DACH1: variants seen among roughly 807,000 people sequenced by gnomAD.
The protein encoded by DACH1 is dachshund family transcription factor 1, also known as dachshund homolog 1.
DACH1 carries 12 observed loss-of-function variants against 54.2 expected under a neutral mutation model. The ratio of observed to expected loss-of-function variants is 0.22; its 90% CI spans 0.14 to 0.36. The LOEUF is 0.36. DACH1 is among the 10% of genes least tolerant of loss of function. The pLI, the probability that DACH1 is intolerant of heterozygous loss-of-function variation, is 1.00. For synonymous variants in DACH1, 386 were observed against 366.2 expected (o/e 1.05, Z -0.62); for missense variants, 805 against 929.8 (o/e 0.87, Z 1.75).
chr13:71,810,330 C>T (rs923412466), intron 1 of DACH1, among the ~76,000 whole-genome samples: 6 of 152,238 alleles, frequency 3.9e-5, no homozygotes, highest in Middle Eastern at 6.8e-3. Flanking sequence ...TACTATCACA[C>T]TACACTTTAC....
chr13:71,752,199 G>A (rs143566388), intron 1 of DACH1, among the ~76,000 whole-genome samples: 5 of 152,106 alleles, frequency 3.3e-5, no homozygotes, highest in African/African-American at 1.2e-4. Flanking sequence ...TGCTCTGAAA[G>A]CTCCTTCTGA....
At chr13:71,634,379 T>C (rs893241143) in intron 2 of DACH1, among the ~76,000 whole-genome samples, 1 of 152,176 alleles carries the variant, frequency 6.6e-6, no homozygotes, top group Non-Finnish European at 1.5e-5. Flanking sequence ...CCTATCTGTA[T>C]GTATTCCTGC....
intron 6 of DACH1, among the ~76,000 whole-genome samples, chr13:71,536,545 A>G (rs1222082209): frequency 6.6e-6 from 1 of 152,164 alleles, no homozygotes; most frequent in East Asian, 1.9e-4. Context: ...CCTTGATTGC[A>G]TCTGTTGCCC....
At chr13:71,497,888 AC>A (rs1222121309) in intron 6 of DACH1, among the ~76,000 whole-genome samples, 2 of 151,102 alleles carry the variant, frequency 1.3e-5, no homozygotes, top group Non-Finnish European at 3.0e-5. Context: ...ACACACACAC[AC>A]ACACACACAC....
At chr13:71,660,301 G>GA (rs1217171390) in intron 2 of DACH1, among the ~76,000 whole-genome samples, 1 of 152,044 alleles carries the variant, frequency 6.6e-6, no homozygotes, top group Non-Finnish European at 1.5e-5. Flanking sequence ...CCAGTCACCT[G>GA]CTTAATGTTA....
Position 71,798,319 on chromosome 13 carries a change from C to CATAT in DACH1, c.848+67602_848+67603insATAT, listed in dbSNP as rs1333963804. Among the ~76,000 whole-genome samples, 3 of 85,468 alleles carry CATAT rather than the reference C, an allele frequency of 3.5e-5. No individual in the cohort carries two copies. The Admixed American group carries it at 3.9e-4, about 11-fold the overall frequency. The allele number at this position is 85,468 out of a possible 152,430, so 56.1% of individuals were successfully genotyped here. On this transcript the variant is annotated intron_variant, in intron 1 of 10. Coordinates refer to ENST00000613252, the MANE Select transcript of DACH1 (RefSeq NM_080759.6). Reference sequence around the variant, plus strand: ...AGATGATTTTAAAGAGAACTTGTTACATACATATATATATATATATATATA... The same window carrying CATAT: ...AGATGATTTTAAAGAGAACTTGTTACATATATACATATATATATATATATATATA...
rs191808555 is a variant in DACH1 at position 71,594,735 on chromosome 13, C to T, written c.1127-21723G>A. Among the ~76,000 whole-genome samples the T allele has an allele frequency of 1.9e-3, 296 of 152,114 alleles. 1 individual carries two copies. The highest frequency in any genetic ancestry group is 3.2e-3 in the Non-Finnish European group (218 of 67,970). On this transcript the variant is annotated intron_variant, in intron 3 of 10. Coordinates refer to ENST00000613252, the MANE Select transcript of DACH1 (RefSeq NM_080759.6). ...ATGTTTTTGTTAAATATCAACAAAC[C>T]GGCCCCTAGTTCTCTTGGTTGAATC... is the stretch of plus-strand genomic sequence containing the variant.
chr13:71,821,423 T>TTTTAAA lies in DACH1; in HGVS notation c.848+44493_848+44498dup, dbSNP rs111890612. On this transcript the variant is annotated intron_variant, in intron 1 of 10. Coordinates refer to ENST00000613252, the MANE Select transcript of DACH1 (RefSeq NM_080759.6). The stretch of plus-strand genomic sequence containing the variant: ...CCTTCTCAGCTTGATTATTCTAAGA[T>TTTTAAA]TTTAAATTTAAATTTAAATTTAAAT... 8.5e-5 allele frequency among the ~76,000 whole-genome samples: 4 copies of TTTTAAA among 46,938 alleles called. No individual in the cohort carries two copies. The East Asian group carries it at 1.0e-3, about 12-fold the overall frequency. The allele number at this position is 46,938 out of a possible 152,430, so 30.8% of individuals were successfully genotyped here.
intron 7 of DACH1, among the ~76,000 whole-genome samples, chr13:71,482,148 A>G (rs1422886788): frequency 6.6e-6 from 1 of 152,206 alleles, no homozygotes; most frequent in Non-Finnish European, 1.5e-5. Flanking sequence ...TGAGTGAGAC[A>G]TAATGGTTGT....
intron 6 of DACH1, among the ~76,000 whole-genome samples, chr13:71,533,377 G>A (rs754443943): frequency 1.3e-5 from 2 of 151,888 alleles, no homozygotes; most frequent in Non-Finnish European, 2.9e-5. Context: ...GAAAGGAAAC[G>A]TGACAGTGAA....
At chr13:71,739,285 A>G (rs2137942253) in intron 1 of DACH1, among the ~76,000 whole-genome samples, 1 of 152,120 alleles carries the variant, frequency 6.6e-6, no homozygotes, top group East Asian at 1.9e-4. Flanking sequence ...AAATTGGCCA[A>G]TGAAAAGAAG....
chr13:71,649,583 A>C (rs1878532910), intron 2 of DACH1, among the ~76,000 whole-genome samples: 1 of 152,204 alleles, frequency 6.6e-6, no homozygotes, highest in African/African-American at 2.4e-5. Flanking sequence ...CTTTGACATC[A>C]AAAGACACTA....
At chr13:71,486,812 TTATCTATC>T (rs4053561) in intron 7 of DACH1, among the ~76,000 whole-genome samples, 7,581 of 41,562 alleles carry the variant, frequency 0.18, 257 homozygotes, top group South Asian at 0.32. Flanking sequence ...ATTTATTTAT[TTATCTATC>T]TATCTATCTA....
chr13:71,494,721 TAATA>T (rs1233859285), intron 6 of DACH1, among the ~76,000 whole-genome samples: 5 of 152,006 alleles, frequency 3.3e-5, no homozygotes, highest in Admixed American at 2.0e-4. Context: ...ATTAACATCT[TAATA>T]ATTATATAAT....
chr13:71,858,209 AT>A (rs1874126791), intron 1 of DACH1, among the ~76,000 whole-genome samples: 1 of 151,666 alleles, frequency 6.6e-6, no homozygotes, highest in Non-Finnish European at 1.5e-5. Flanking sequence ...CTTAAGATAT[AT>A]TTTGTTTGCC....
chr13:71,508,913 C>G (rs1193025914), intron 6 of DACH1, among the ~76,000 whole-genome samples: 1 of 152,160 alleles, frequency 6.6e-6, no homozygotes, highest in Non-Finnish European at 1.5e-5. Flanking sequence ...AGTGATACCA[C>G]CATCTTTGAA....
intron 1 of DACH1, among the ~76,000 whole-genome samples, chr13:71,800,556 G>A (rs1166334933): frequency 1.3e-5 from 2 of 152,082 alleles, no homozygotes; most frequent in African/African-American, 4.8e-5. Context: ...TATAAAGAAA[G>A]TAGGTACAGC....
intron 1 of DACH1, among the ~76,000 whole-genome samples, chr13:71,862,858 C>T (rs1423990283): frequency 2.0e-5 from 3 of 152,016 alleles, no homozygotes; most frequent in African/African-American, 7.2e-5. Context: ...GCTGAGAGTG[C>T]TAAGATTTGA....
rs1343136758 is a variant in DACH1, at chr13:71,715,606, G to A, written c.849-33696C>T. On this transcript the variant is annotated intron_variant, in intron 1 of 10. Coordinates refer to ENST00000613252, the MANE Select transcript of DACH1 (RefSeq NM_080759.6). ...TTATACAGAAATTTTAACAGCTGTT[G>A]ATATCTATTGAAATAGCTAATTTCA... 2.0e-5 allele frequency among the ~76,000 whole-genome samples: 3 copies of A among 151,918 alleles called. No individual in the cohort carries two copies. The East Asian group carries it at 5.8e-4, about 29-fold the overall frequency.
Sources: allele counts gnomAD v4.1 joint callset (sites outside exome capture counted in the v4.1 genomes callset), GRCh38; gene constraint gnomAD v4.1.1; transcripts MANE v1.5; gene names NCBI Gene and HGNC (gene_info 2026-07-23, HGNC 2026-07-21).